Variants in MRPS23 observed in about 807,000 individuals in gnomAD.
The protein encoded by MRPS23 is mitochondrial ribosomal protein S23.
Under a neutral mutation model 19.8 loss-of-function variants are expected in MRPS23, and 14 were observed. The ratio of observed to expected loss-of-function variants is 0.71; its 90% CI spans 0.47 to 1.11. The LOEUF is 1.11. Among genes scored for constraint, MRPS23 ranks in the 50% least tolerant of loss-of-function variants. The probability of loss-of-function intolerance (pLI) is 0.00; values close to 1 mark genes in which losing one functional copy is unlikely to be tolerated. For missense variants in MRPS23, 242 were observed against 236.7 expected, an observed-to-expected ratio of 1.02 and a Z score of -0.15; for synonymous variants, 113 against 89.7, an observed-to-expected ratio of 1.26 and a Z score of -1.47.
intron 4 of MRPS23, among the ~76,000 whole-genome samples, chr17:57,840,305 T>G (rs1430964395): frequency 6.6e-6 from 1 of 151,216 alleles, no homozygotes; most frequent in Non-Finnish European, 1.5e-5. Context: ...GAGAATGGCA[T>G]GAACCTAGGA....
At position 57,837,816 on chromosome 17, in the gene MRPS23, A is replaced by C. The variant is rs1277842804; in HGVS notation, c.*1967T>G. 1 of 152,926 alleles carries C rather than the reference A, an allele frequency of 6.5e-6. No individual in the cohort carries two copies. Among genetic ancestry groups the C allele is most frequent in the South Asian group, 2.1e-4 (1 of 4,862 alleles). The allele number at this position is 152,926 out of a possible 1,614,324, so 9.5% of individuals were successfully genotyped here. Reference sequence around the variant, plus strand: ...CAAGACTCCATCTCTACAAAAAAAAACAAACAAAAAAAATGTTAAAGAGCC... The same window carrying C: ...CAAGACTCCATCTCTACAAAAAAAACCAAACAAAAAAAATGTTAAAGAGCC... On this transcript the variant is annotated 3_prime_UTR_variant, in exon 5 of 5. Coordinates refer to ENST00000313608, the MANE Select transcript of MRPS23 (RefSeq NM_016070.4).
At chr17:57,849,460 A>C in intron 1 of MRPS23, 50 bp from the exon 2 acceptor site, 2 of 1,598,654 alleles carry the variant, frequency 1.3e-6, no homozygotes, top group Non-Finnish European at 8.5e-7. Context: ...AGCCTGCCAA[A>C]GCCCCTGAAT....
rs1433052930 is a variant in MRPS23, at chr17:57,839,759, C to T, written c.*24G>A. On this transcript the variant is annotated 3_prime_UTR_variant, in exon 5 of 5. Transcript: ENST00000313608. ...CAGCCAGTGAGTAGAGTGTGAATGC[C>T]AGCATACACAGTATACAGGTCCTTC... 1 of 1,605,028 alleles carries T rather than the reference C, an allele frequency of 6.2e-7. No individual in the cohort carries two copies. The highest frequency in any genetic ancestry group is 8.5e-7 in the Non-Finnish European group (1 of 1,173,570).
intron 2 of MRPS23, among the ~76,000 whole-genome samples, chr17:57,845,099 T>C (rs1032469159): frequency 4.6e-5 from 7 of 152,140 alleles, no homozygotes; most frequent in Non-Finnish European, 8.8e-5. Context: ...GGTTTCACCA[T>C]GTTGCCCAGG....
At chr17:57,849,524 C>A (rs1397437226) in intron 1 of MRPS23, 114 bp from the exon 2 acceptor site, 5 of 1,251,848 alleles carry the variant, frequency 4.0e-6, no homozygotes, top group South Asian at 1.5e-5. Context: ...CAACACAGAA[C>A]GGGGAAGGAC....
intron 4 of MRPS23, among the ~76,000 whole-genome samples, chr17:57,840,406 T>C (rs143896682): frequency 0.01 from 1,552 of 150,598 alleles, 23 homozygotes; most frequent in African/African-American, 0.036. Flanking sequence ...AAAAAAAGTC[T>C]ATAGAACCAA....
chr17:57,844,640 A>G (rs898863664), intron 2 of MRPS23, among the ~76,000 whole-genome samples: 61 of 149,844 alleles, frequency 4.1e-4, no homozygotes, highest in African/African-American at 1.5e-3. Flanking sequence ...CCGTGGTGAC[A>G]CATGCCTGTA....
chr17:57,844,322 A>G (rs908152563), intron 2 of MRPS23, among the ~76,000 whole-genome samples: 2 of 151,068 alleles, frequency 1.3e-5, no homozygotes, highest in South Asian at 2.1e-4. Context: ...AAATATCAAA[A>G]CCACCAAAAA....
chr17:57,841,209 AT>A lies in MRPS23; in HGVS notation c.266del (p.Asn89IlefsTer44), dbSNP rs1326695778. On this transcript the variant is annotated frameshift_variant, in exon 3 of 5. Transcript: ENST00000313608. LOFTEE classifies it high-confidence loss of function. ...GTTGACAGGTAGACTTGAAGTTTGGATTGAATAGATCAAAAGCTCTTTGACC... is the reference window on the plus strand; with the variant it reads ...GTTGACAGGTAGACTTGAAGTTTGGATGAATAGATCAAAAGCTCTTTGACC... ...GSGQRAFDLF[N>X]PNFKSTCQRF... The A allele has an allele frequency of 1.2e-6, 2 of 1,614,084 alleles. No homozygotes were observed. Among genetic ancestry groups the A allele is most frequent in the Non-Finnish European group, 1.7e-6 (2 of 1,180,050 alleles).
rs1568015667 is a variant in MRPS23 at position 57,842,882 on chromosome 17, AT to A, written c.216-1623del. 9.3e-3 allele frequency among the ~76,000 whole-genome samples: 356 copies of A among 38,182 alleles called. 6 individuals are homozygous for A. The highest frequency in any genetic ancestry group is 0.013 in the Non-Finnish European group (233 of 18,628). 25.0% of individuals were successfully genotyped at this position (38,182 alleles called of 152,430 possible). ...CTGTCTCTAAAAAAAAAAAAAAAAT[AT>A]ATATATATACACACACACACACACA... On this transcript the variant is annotated intron_variant, in intron 2 of 4. Transcript: ENST00000313608.
chr17:57,847,348 CTATT>C (rs1463292186), intron 2 of MRPS23, among the ~76,000 whole-genome samples: 6 of 145,496 alleles, frequency 4.1e-5, no homozygotes, highest in African/African-American at 1.5e-4. Context: ...TTTTCTGTGA[CTATT>C]TAAGTTTTGG....
intron 2 of MRPS23, among the ~76,000 whole-genome samples, chr17:57,847,217 C>T (rs28718503): frequency 0.13 from 20,173 of 150,320 alleles, 1,509 homozygotes; most frequent in South Asian, 0.24. Context: ...AGCTTGAACC[C>T]GGGAGGTGGA....
intron 2 of MRPS23, among the ~76,000 whole-genome samples, chr17:57,843,879 A>G (rs1196273415): frequency 6.6e-6 from 1 of 152,198 alleles, no homozygotes; most frequent in East Asian, 1.9e-4. Flanking sequence ...TAACATTGCA[A>G]AGATCTTTCC....
chr17:57,839,590 CAT>C lies in MRPS23; in HGVS notation c.*191_*192del. On this transcript the variant is annotated 3_prime_UTR_variant, in exon 5 of 5. Coordinates refer to ENST00000313608, the MANE Select transcript of MRPS23 (RefSeq NM_016070.4). The stretch of plus-strand genomic sequence containing the variant: ...AATTCTTTATTTAGTAATGTCCTAA[CAT>C]AAAAGTTCACATAACTGCTTCTGTC... The C allele has an allele frequency of 1.9e-6, 1 of 527,088 alleles. No individual in the cohort carries two copies. The highest frequency in any genetic ancestry group is 3.2e-6 in the Non-Finnish European group (1 of 316,070). The allele number at this position is 527,088 out of a possible 1,614,324, so 32.7% of individuals were successfully genotyped here.
intron 2 of MRPS23, among the ~76,000 whole-genome samples, chr17:57,847,198 C>A (rs970186093): frequency 6.6e-6 from 1 of 150,896 alleles, no homozygotes; most frequent in African/African-American, 2.4e-5. Context: ...GAGGCTGAGG[C>A]AGGAGAACAG....
chr17:57,841,144 A>C, intron 3 of MRPS23, 39 bp downstream of exon 3: 4 of 1,609,492 alleles, frequency 2.5e-6, no homozygotes, highest in African/African-American at 1.3e-5. Context: ...AATCCTTAAA[A>C]AATAATATGA....
chr17:57,847,534 C>T (rs1833542472), intron 2 of MRPS23, among the ~76,000 whole-genome samples: 2 of 143,616 alleles, frequency 1.4e-5, no homozygotes, highest in African/African-American at 2.6e-5. Flanking sequence ...TGGTGGTGGG[C>T]GCCTGTAGTC....
At chr17:57,841,948 AAAAATAATAAC>A (rs781717641) in intron 2 of MRPS23, among the ~76,000 whole-genome samples, 5 of 152,232 alleles carry the variant, frequency 3.3e-5, no homozygotes, top group Non-Finnish European at 5.9e-5. Context: ...CTCCGTCTCA[AAAAATAATAAC>A]AAAATAAAAA....
At chr17:57,842,492 T>C (rs112524045) in intron 2 of MRPS23, among the ~76,000 whole-genome samples, 1,782 of 152,328 alleles carry the variant, frequency 0.012, 25 homozygotes, top group African/African-American at 0.038. Flanking sequence ...GCCATGGAGA[T>C]TGTTTCCAGT....
Sources: allele counts gnomAD v4.1 joint callset (sites outside exome capture counted in the v4.1 genomes callset), GRCh38; gene constraint gnomAD v4.1.1; transcripts MANE v1.5; gene names NCBI Gene and HGNC (gene_info 2026-07-23, HGNC 2026-07-21).